The following PLXNA2 variants were observed in gnomAD, a reference collection of about 807,000 sequenced individuals.
PLXNA2 encodes the protein plexin A2, also known as plexin-A2.
Under a neutral mutation model 193.5 loss-of-function variants are expected in PLXNA2, and 91 were observed. The ratio of observed to expected loss-of-function variants is 0.47; its 90% CI spans 0.40 to 0.56. The LOEUF (loss-of-function observed/expected upper bound fraction) is 0.56. PLXNA2 is among the 20% of genes least tolerant of loss of function. The pLI, the probability that PLXNA2 is intolerant of heterozygous loss-of-function variation, is 0.00. For missense variants in PLXNA2, 1,995 were observed against 2,503.2 expected, an observed-to-expected ratio of 0.80 and a Z score of 4.33; for synonymous variants, 997 against 1,027.3, an observed-to-expected ratio of 0.97 and a Z score of 0.56.
In PLXNA2 at chr1:208,042,270, G is replaced by A. The variant is rs775522055; in HGVS notation, c.4114C>T (p.Leu1372=). The change falls in exon 22 of 32, where the codon CTG becomes TTG. Residue 1372 remains leucine (L), a synonymous_variant. Transcript: ENST00000367033. ...KVFLLTFIRT[L]ELQRSFSMRD... Reference sequence around the variant, plus strand: ...ATGGAGAAACTGCGCTGCAGCTCCAGGGTGCGGATGAAGGTCAGCAGGAAC... The same window carrying A: ...ATGGAGAAACTGCGCTGCAGCTCCAAGGTGCGGATGAAGGTCAGCAGGAAC... 6.2e-7 allele frequency: 1 copy of A among 1,614,108 alleles called. No individual in the cohort carries two copies. Among genetic ancestry groups the A allele is most frequent in the East Asian group, 2.2e-5 (1 of 44,896 alleles).
chr1:208,216,890 G>A lies in PLXNA2; in HGVS notation c.1033C>T (p.Gln345Ter). 1.2e-6 allele frequency: 2 copies of A among 1,614,214 alleles called. No individual in the cohort carries two copies. The highest frequency in any genetic ancestry group is 8.5e-7 in the Non-Finnish European group (1 of 1,180,034). ...LFAIFSKGQK[Q>*]YHHPPDDSAL... is the part of the protein sequence containing the mutation. ...GAGTCATCGGGCGGGTGGTGATACT[G>A]CTTCTGCCCTTTGGAGAAGATGGCA... The change falls in exon 2 of 32, where the codon CAG (glutamine) becomes TAG (stop). Residue 345 changes from glutamine (Q) to a stop codon, truncating the protein, a stop_gained. Coordinates refer to ENST00000367033, the MANE Select transcript of PLXNA2 (RefSeq NM_025179.4). LOFTEE classifies it high-confidence loss of function.
At chr1:208,138,610 C>A (rs1461656232) in intron 4 of PLXNA2, among the ~76,000 whole-genome samples, 2 of 152,224 alleles carry the variant, frequency 1.3e-5, no homozygotes, top group Non-Finnish European at 2.9e-5. Context: ...GCTGACCGGG[C>A]GCAGTGGCGC....
chr1:208,092,664 G>T, intron 9 of PLXNA2, 122 bp downstream of exon 9: 1 of 600,012 alleles, frequency 1.7e-6, no homozygotes. Flanking sequence ...AGAATTTCTG[G>T]CAAGACGGCC....
intron 9 of PLXNA2, among the ~76,000 whole-genome samples, chr1:208,089,367 G>A (rs1489833636): frequency 6.6e-6 from 1 of 152,318 alleles, no homozygotes; most frequent in East Asian, 1.9e-4. Context: ...CTGATTTTCT[G>A]TAGAAAACAT....
At chr1:208,031,843 T>C in intron 28 of PLXNA2, 84 bp from the exon 29 acceptor site, 1 of 1,328,780 alleles carries the variant, frequency 7.5e-7, no homozygotes, top group African/African-American at 1.5e-5. Flanking sequence ...CTTGGACCCA[T>C]CCTGCCTTGG....
chr1:208,175,274 C>A (rs575600232), intron 3 of PLXNA2, among the ~76,000 whole-genome samples: 2 of 152,138 alleles, frequency 1.3e-5, no homozygotes, highest in Admixed American at 6.5e-5. Flanking sequence ...AAGAACAAAG[C>A]GTGAGTCTTC....
chr1:208,129,343 C>A (rs887234107), intron 4 of PLXNA2, among the ~76,000 whole-genome samples: 4 of 152,118 alleles, frequency 2.6e-5, no homozygotes, highest in Admixed American at 1.3e-4. Flanking sequence ...GTGAGCTTGC[C>A]ACAGAGAGCA....
rs940412739 is a variant in PLXNA2, at chr1:208,183,443, C to A, written c.1371+26837G>T. On this transcript the variant is annotated intron_variant, in intron 3 of 31. Coordinates refer to ENST00000367033, the MANE Select transcript of PLXNA2 (RefSeq NM_025179.4). ...AGGAGGTCTGCAGGCCTCGTTGACTCTGCTGACCATCCACAGCCAGGAGCT... is the reference window on the plus strand; with the variant it reads ...AGGAGGTCTGCAGGCCTCGTTGACTATGCTGACCATCCACAGCCAGGAGCT... Among the ~76,000 whole-genome samples, 17 of 152,198 alleles carry A rather than the reference C, an allele frequency of 1.1e-4. 1 individual carries two copies. The highest frequency in any genetic ancestry group is 4.1e-4 in the African/African-American group (17 of 41,444).
chr1:208,027,295 C>T lies in PLXNA2; in HGVS notation c.5633G>A (p.Arg1878Gln), dbSNP rs146958450. ...LEQDEQARRQ[R>Q]LAYKVEQLIN... ...GAGCTGCTCCACCTTATAAGCCAGC[C>T]GCTGCCGCCGTGCCTGCTCATCCTG... The change falls in exon 32 of 32, where the codon CGG becomes CAG. Residue 1878 changes from arginine (R) to glutamine (Q), a missense_variant. Physicochemically the swap from Arg to Gln is conservative, Grantham distance 43. Transcript: ENST00000367033. The T allele has an allele frequency of 2.1e-5, 34 of 1,613,540 alleles. No individual in the cohort carries two copies. The highest frequency in any genetic ancestry group is 2.7e-5 in the African/African-American group (2 of 74,926).
intron 1 of PLXNA2, among the ~76,000 whole-genome samples, chr1:208,226,113 C>T (rs959435777): frequency 6.6e-6 from 1 of 152,142 alleles, no homozygotes; most frequent in African/African-American, 2.4e-5. Context: ...AACAGTAGCC[C>T]AGAGAACTCA....
At chr1:208,128,649 C>T (rs778361540) in intron 4 of PLXNA2, among the ~76,000 whole-genome samples, 47 of 151,632 alleles carry the variant, frequency 3.1e-4, no homozygotes, top group Non-Finnish European at 6.5e-4. Flanking sequence ...CTTTTTCCCC[C>T]TCCTCTCTTT....
Position 208,096,757 on chromosome 1 carries a change from C to T in PLXNA2, c.1858G>A (p.Asp620Asn). 6.2e-7 allele frequency: 1 copy of T among 1,614,124 alleles called. No homozygotes were observed. The highest frequency in any genetic ancestry group is 1.6e-4 in the Middle Eastern group (1 of 6,062). ...QVICISPGPK[D>N]VPVIPLDQDW... ...TGATCCAGCGGGATGACAGGGACATCCTTGGGCCCAGGTGAGATGCAGATG... is the reference window on the plus strand; with the variant it reads ...TGATCCAGCGGGATGACAGGGACATTCTTGGGCCCAGGTGAGATGCAGATG... Residue 620 changes from aspartate (D) to asparagine (N), a missense_variant, in exon 7 of 32, where the codon GAT (aspartate) becomes AAT (asparagine). Transcript: ENST00000367033.
intron 1 of PLXNA2, among the ~76,000 whole-genome samples, chr1:208,229,529 G>T (rs547283371): frequency 9.5e-4 from 145 of 152,296 alleles, no homozygotes; most frequent in African/African-American, 3.3e-3. Flanking sequence ...TAATACACTT[G>T]GCTCAGGGAT....
At chr1:208,235,177 G>C (rs745685230) in intron 1 of PLXNA2, among the ~76,000 whole-genome samples, 1 of 152,200 alleles carries the variant, frequency 6.6e-6, no homozygotes, top group Non-Finnish European at 1.5e-5. Flanking sequence ...GCTAAATGCT[G>C]ACCACAAGCC....
intron 3 of PLXNA2, among the ~76,000 whole-genome samples, chr1:208,167,595 C>T (rs896086220): frequency 1.3e-5 from 2 of 152,136 alleles, no homozygotes; most frequent in African/African-American, 4.8e-5. Context: ...TTCTTACTCC[C>T]CTACCACCTC....
chr1:208,188,033 G>T (rs1003065135), intron 3 of PLXNA2, among the ~76,000 whole-genome samples: 4 of 152,078 alleles, frequency 2.6e-5, no homozygotes, highest in African/African-American at 4.8e-5. Flanking sequence ...CCGATTTCTG[G>T]GCTTCTCTCC....
At chr1:208,073,637 C>T (rs1487525075) in intron 12 of PLXNA2, among the ~76,000 whole-genome samples, 1 of 152,150 alleles carries the variant, frequency 6.6e-6, no homozygotes, top group East Asian at 1.9e-4. Flanking sequence ...CCTCAAAATT[C>T]ATATGGTGAA....
At chr1:208,138,370 T>C (rs1177692618) in intron 4 of PLXNA2, among the ~76,000 whole-genome samples, 1 of 152,228 alleles carries the variant, frequency 6.6e-6, no homozygotes, top group African/African-American at 2.4e-5. Flanking sequence ...TTAAGGTAGG[T>C]GAGGCTAAGC....
rs561599988 is a variant in PLXNA2, at chr1:208,082,094, C to T, written c.2395+318G>A. Reference sequence around the variant, plus strand: ...TGACTGGAAACAATATCTCCATTTCCAGGGAAACTAGCCGGACGTTCCTGC... The same window carrying T: ...TGACTGGAAACAATATCTCCATTTCTAGGGAAACTAGCCGGACGTTCCTGC... On this transcript the variant is annotated intron_variant, in intron 11 of 31. Transcript: ENST00000367033. The surrounding 1 kb of genome is among the most constrained non-coding windows in gnomAD (Gnocchi z 4.2). Among the ~76,000 whole-genome samples the T allele has an allele frequency of 9.8e-5, 15 of 152,322 alleles. No homozygotes were observed. The highest frequency in any genetic ancestry group is 3.4e-4 in the African/African-American group (14 of 41,572).
Sources: gnomAD v4.1 joint callset for allele counts (sites outside exome capture counted in the v4.1 genomes callset) on GRCh38, gnomAD v4.1.1 for gene constraint, Gnocchi (gnomAD v3.1) non-coding constraint, MANE v1.5 for transcripts, NCBI Gene and HGNC (gene_info 2026-07-23, HGNC 2026-07-21) for gene names.